SGCZ: variants seen among roughly 807,000 people sequenced by gnomAD.
SGCZ encodes zeta-sarcoglycan.
SGCZ carries 40 observed loss-of-function variants against 41.3 expected under a neutral mutation model. That is an observed-to-expected ratio of 0.97 (90% confidence interval 0.75 to 1.26). The LOEUF (loss-of-function observed/expected upper bound fraction) is 1.26. Ranked by LOEUF, SGCZ falls within the 50% of genes most tolerant of loss-of-function variation. SGCZ has a pLI of 0.00. For missense variants in SGCZ, 552 were observed against 369.8 expected (o/e 1.49, Z -4.04); for synonymous variants, 206 against 137.5 (o/e 1.50, Z -3.49).
chr8:15,127,323 C>T lies in SGCZ; in HGVS notation c.39+110262G>A, dbSNP rs1807741561. Among the ~76,000 whole-genome samples, 4 of 151,814 alleles carry T rather than the reference C, an allele frequency of 2.6e-5. No individual in the cohort carries two copies. The South Asian group carries it at 8.3e-4, about 32-fold the overall frequency. On this transcript the variant is annotated intron_variant, in intron 1 of 7. Transcript: ENST00000382080. ...ATGGCATACCAGGATAGGCGTTATA[C>T]TATAATTACAACTAAGTGATATGAG...
At chr8:14,647,700 A>G (rs1290632745) in intron 1 of SGCZ, among the ~76,000 whole-genome samples, 1 of 152,022 alleles carries the variant, frequency 6.6e-6, no homozygotes, top group East Asian at 1.9e-4. Flanking sequence ...TTTTAAATAT[A>G]TATGTAGGTA....
At chr8:15,038,922 T>C (rs1197038552) in intron 1 of SGCZ, among the ~76,000 whole-genome samples, 5 of 151,462 alleles carry the variant, frequency 3.3e-5, no homozygotes, top group Admixed American at 2.6e-4. Context: ...AAATTAAAAC[T>C]ATAGTAAACT....
chr8:15,015,052 G>A (rs1802974289), intron 1 of SGCZ, among the ~76,000 whole-genome samples: 1 of 151,920 alleles, frequency 6.6e-6, no homozygotes, highest in Non-Finnish European at 1.5e-5. Flanking sequence ...GACCAGCCTG[G>A]CAAACATGGC....
At chr8:14,747,311 C>G (rs1799363758) in intron 1 of SGCZ, among the ~76,000 whole-genome samples, 1 of 152,256 alleles carries the variant, frequency 6.6e-6, no homozygotes, top group African/African-American at 2.4e-5. Context: ...GTACATCTAG[C>G]CGCCCTCAAC....
chr8:14,639,443 G>C (rs1355888143), intron 1 of SGCZ, among the ~76,000 whole-genome samples: 1 of 151,594 alleles, frequency 6.6e-6, no homozygotes, highest in East Asian at 1.9e-4. Flanking sequence ...ACTTCATAAA[G>C]ATATTAGGAA....
At chr8:15,175,208 T>A (rs2117073437) in intron 1 of SGCZ, among the ~76,000 whole-genome samples, 1 of 152,244 alleles carries the variant, frequency 6.6e-6, no homozygotes, top group African/African-American at 2.4e-5. Context: ...TGTAAATCAT[T>A]CTATTGTAAA....
chr8:14,509,726 A>C (rs1802413470), intron 2 of SGCZ, among the ~76,000 whole-genome samples: 1 of 152,154 alleles, frequency 6.6e-6, no homozygotes, highest in African/African-American at 2.4e-5. Flanking sequence ...CAGGGTAATT[A>C]ATAAAGAGGT....
intron 1 of SGCZ, among the ~76,000 whole-genome samples, chr8:14,861,497 CTTA>C (rs1376152838): frequency 6.6e-6 from 1 of 151,988 alleles, no homozygotes; most frequent in Non-Finnish European, 1.5e-5. Flanking sequence ...AATACATGAT[CTTA>C]TTATGCCTCT....
intron 5 of SGCZ, among the ~76,000 whole-genome samples, chr8:14,121,054 A>C (rs1374094803): frequency 6.6e-6 from 1 of 152,106 alleles, no homozygotes. Flanking sequence ...AATTTTACTA[A>C]GTCAATGTGA....
chr8:14,144,583 C>T (rs1803466520), intron 5 of SGCZ, among the ~76,000 whole-genome samples: 2 of 152,156 alleles, frequency 1.3e-5, no homozygotes. Context: ...ACTCTTTCTA[C>T]TGGAGAAAAG....
chr8:15,227,392 A>G (rs1000203957), intron 1 of SGCZ, among the ~76,000 whole-genome samples: 1 of 152,216 alleles, frequency 6.6e-6, no homozygotes, highest in African/African-American at 2.4e-5. Context: ...ATTCTTGCTA[A>G]TAATTCAATC....
chr8:15,124,708 T>A (rs560826823), intron 1 of SGCZ, among the ~76,000 whole-genome samples: 4 of 152,358 alleles, frequency 2.6e-5, no homozygotes, highest in African/African-American at 4.8e-5. Flanking sequence ...CCTAATTTTT[T>A]AAAATTATTA....
chr8:14,336,081 T>C (rs1802495708), intron 2 of SGCZ, among the ~76,000 whole-genome samples: 1 of 152,004 alleles, frequency 6.6e-6, no homozygotes, highest in African/African-American at 2.4e-5. Context: ...TTCCATCCTC[T>C]AGTAGACCCC....
chr8:14,667,605 G>C (rs561070164), intron 1 of SGCZ, among the ~76,000 whole-genome samples: 99 of 152,244 alleles, frequency 6.5e-4, no homozygotes, highest in African/African-American at 2.3e-3. Context: ...GCCAAATGTT[G>C]TGGATTTATG....
At chr8:14,463,162 C>T (rs1244213756) in intron 2 of SGCZ, among the ~76,000 whole-genome samples, 1 of 151,186 alleles carries the variant, frequency 6.6e-6, no homozygotes. Flanking sequence ...TCCAATTTGT[C>T]ATTTATTTTT....
intron 1 of SGCZ, among the ~76,000 whole-genome samples, chr8:15,218,256 G>T (rs1196650957): frequency 5.3e-5 from 8 of 152,068 alleles, no homozygotes; most frequent in Non-Finnish European, 1.2e-4. Flanking sequence ...ACAAAGAGAT[G>T]GAAGAGTTAT....
At chr8:14,698,197 T>G (rs1809027495) in intron 1 of SGCZ, among the ~76,000 whole-genome samples, 1 of 151,988 alleles carries the variant, frequency 6.6e-6, no homozygotes, top group Non-Finnish European at 1.5e-5. Context: ...TTTGGTTATT[T>G]TTAGCATCTA....
At chr8:14,870,674 T>G (rs991742457) in intron 1 of SGCZ, among the ~76,000 whole-genome samples, 19 of 151,984 alleles carry the variant, frequency 1.3e-4, no homozygotes, top group African/African-American at 4.4e-4. Context: ...AGAAAATTTC[T>G]GTAATCTATC....
Position 15,135,734 on chromosome 8 carries a change from G to GT in SGCZ, c.39+101850_39+101851insA, listed in dbSNP as rs5889570. On this transcript the variant is annotated intron_variant, in intron 1 of 7. Coordinates refer to ENST00000382080, the MANE Select transcript of SGCZ (RefSeq NM_139167.4). Reference sequence around the variant, plus strand: ...AGGCAAGCCCCAGAACTGGGGCTTGGCCTGGGATGGTTCTTGGCCTATCCC... The same window carrying GT: ...AGGCAAGCCCCAGAACTGGGGCTTGGTCCTGGGATGGTTCTTGGCCTATCCC... Among the ~76,000 whole-genome samples the GT allele has an allele frequency of 9.7e-3, 1,480 of 152,184 alleles. 72 individuals carry two copies. The East Asian group carries it at 0.15, about 15-fold the overall frequency.
Sources: allele counts gnomAD v4.1 joint callset (sites outside exome capture counted in the v4.1 genomes callset), GRCh38; gene constraint gnomAD v4.1.1; transcripts MANE v1.5; gene names NCBI Gene and HGNC (gene_info 2026-07-23, HGNC 2026-07-21).